The following SGCZ variants were observed in gnomAD, a reference collection of about 807,000 sequenced individuals.
SGCZ encodes the protein zeta-sarcoglycan.
SGCZ carries 40 observed loss-of-function variants against 41.3 expected under a neutral mutation model. That is an observed-to-expected ratio of 0.97 (90% CI 0.75 to 1.26). The LOEUF (loss-of-function observed/expected upper bound fraction) is 1.26, where lower values mean the gene tolerates loss of function less well. Ranked by LOEUF, SGCZ falls within the 50% of genes most tolerant of loss-of-function variation. The pLI, the probability that SGCZ is intolerant of heterozygous loss-of-function variation, is 0.00. For synonymous variants in SGCZ, 206 were observed against 137.5 expected (o/e 1.50, Z -3.49); for missense variants, 552 against 369.8 (o/e 1.49, Z -4.04).
intron 4 of SGCZ, among the ~76,000 whole-genome samples, chr8:14,174,782 T>C (rs917276172): frequency 7.9e-5 from 12 of 152,138 alleles, no homozygotes; most frequent in African/African-American, 1.9e-4. Context: ...TACAAACGTA[T>C]TGTCTCACAA....
intron 1 of SGCZ, among the ~76,000 whole-genome samples, chr8:14,823,933 G>A (rs1802199726): frequency 6.6e-6 from 1 of 151,922 alleles, no homozygotes; most frequent in Non-Finnish European, 1.5e-5. Context: ...GCAACAACAT[G>A]GATGAACACA....
At chr8:14,954,510 A>C (rs1249851869) in intron 1 of SGCZ, among the ~76,000 whole-genome samples, 5 of 152,134 alleles carry the variant, frequency 3.3e-5, no homozygotes, top group African/African-American at 9.7e-5. Context: ...TATGTAATGC[A>C]GCTTCCACGA....
intron 1 of SGCZ, among the ~76,000 whole-genome samples, chr8:15,154,317 C>G (rs1289640958): frequency 2.0e-5 from 3 of 152,200 alleles, no homozygotes; most frequent in African/African-American, 7.2e-5. Context: ...CCTAAAGCAG[C>G]AGACCCTACA....
intron 1 of SGCZ, among the ~76,000 whole-genome samples, chr8:15,067,263 C>A (rs773703313): frequency 9.2e-5 from 14 of 152,198 alleles, no homozygotes; most frequent in Non-Finnish European, 1.6e-4. Context: ...CCACCCTGCA[C>A]ACACTGTACT....
chr8:14,274,732 C>T (rs1563227885), intron 3 of SGCZ, among the ~76,000 whole-genome samples: 1 of 151,612 alleles, frequency 6.6e-6, no homozygotes, highest in Non-Finnish European at 1.5e-5. Flanking sequence ...ATTTTTTTCA[C>T]AAAAAAATTA....
At chr8:15,068,614 T>G (rs1445567302) in intron 1 of SGCZ, among the ~76,000 whole-genome samples, 1 of 152,194 alleles carries the variant, frequency 6.6e-6, no homozygotes, top group East Asian at 1.9e-4. Flanking sequence ...GCTTGCATAC[T>G]CAAACTTTCC....
intron 2 of SGCZ, among the ~76,000 whole-genome samples, chr8:14,399,748 T>C (rs2410190): frequency 0.12 from 18,523 of 152,176 alleles, 1,721 homozygotes; most frequent in African/African-American, 0.26. Context: ...TAACTGTTGA[T>C]GTATTTTACA....
At chr8:14,340,953 C>T (rs1802683509) in intron 2 of SGCZ, among the ~76,000 whole-genome samples, 1 of 152,096 alleles carries the variant, frequency 6.6e-6, no homozygotes, top group Non-Finnish European at 1.5e-5. Context: ...ATCCCCTCTC[C>T]CCCAGCCCCT....
At chr8:14,217,651 T>TTA (rs1806047620) in intron 4 of SGCZ, among the ~76,000 whole-genome samples, 1 of 112,994 alleles carries the variant, frequency 8.9e-6, no homozygotes, top group African/African-American at 3.6e-5. Context: ...TTTTTTTTTT[T>TTA]GAGACAGAGT....
intron 2 of SGCZ, among the ~76,000 whole-genome samples, chr8:14,425,938 G>A (rs914312586): frequency 6.6e-6 from 1 of 152,108 alleles, no homozygotes; most frequent in Admixed American, 6.5e-5. Context: ...GGCAGCTAAA[G>A]AAGTCAAATG....
intron 1 of SGCZ, among the ~76,000 whole-genome samples, chr8:14,659,250 C>A (rs1465927605): frequency 6.6e-6 from 1 of 152,208 alleles, no homozygotes; most frequent in South Asian, 2.1e-4. Context: ...AGTGTCATCA[C>A]CGCCAGAGAT....
intron 5 of SGCZ, among the ~76,000 whole-genome samples, chr8:14,129,949 A>C (rs968956172): frequency 6.6e-6 from 1 of 152,204 alleles, no homozygotes; most frequent in Non-Finnish European, 1.5e-5. Flanking sequence ...ATCCTTATCA[A>C]AATCACAACA....
chr8:14,670,782 T>A (rs2117509408), intron 1 of SGCZ, among the ~76,000 whole-genome samples: 1 of 152,330 alleles, frequency 6.6e-6, no homozygotes, highest in African/African-American at 2.4e-5. Context: ...ATTTTAAAGA[T>A]GATGAAACTG....
At chr8:14,253,939 G>GTTT (rs10683633) in intron 3 of SGCZ, among the ~76,000 whole-genome samples, 29,761 of 151,894 alleles carry the variant, frequency 0.2, 3,090 homozygotes, top group East Asian at 0.28. Context: ...CACTTGTTCT[G>GTTT]CTTTTCATGA....
chr8:14,654,168 C>CA (rs1807487856), intron 1 of SGCZ, among the ~76,000 whole-genome samples: 1 of 151,452 alleles, frequency 6.6e-6, no homozygotes, highest in Admixed American at 6.6e-5. Context: ...AAATCCATAG[C>CA]ATTTATTCTA....
chr8:14,338,407 G>T (rs1279278613), intron 2 of SGCZ, among the ~76,000 whole-genome samples: 2 of 152,134 alleles, frequency 1.3e-5, no homozygotes, highest in Non-Finnish European at 2.9e-5. Flanking sequence ...GACCAAAAAT[G>T]TGAGAATGTA....
At chr8:15,010,694 C>G (rs1415498019) in intron 1 of SGCZ, among the ~76,000 whole-genome samples, 1 of 152,134 alleles carries the variant, frequency 6.6e-6, no homozygotes, top group African/African-American at 2.4e-5. Context: ...AAAGTCAGAA[C>G]TAATGTGATA....
At chr8:14,557,335 G>C (rs117251075) in intron 1 of SGCZ, among the ~76,000 whole-genome samples, 1,559 of 151,354 alleles carry the variant, frequency 0.01, 15 homozygotes, top group South Asian at 0.016. Flanking sequence ...GTAGTCTTTT[G>C]TTGAATGTAT....
chr8:14,471,214 G>C (rs1181091228), intron 2 of SGCZ, among the ~76,000 whole-genome samples: 1 of 152,110 alleles, frequency 6.6e-6, no homozygotes, highest in Non-Finnish European at 1.5e-5. Flanking sequence ...AAATGGTTCA[G>C]AATATAGACA....
Sources: allele counts gnomAD v4.1 joint callset (sites outside exome capture counted in the v4.1 genomes callset), GRCh38; gene constraint gnomAD v4.1.1; transcripts MANE v1.5; gene names NCBI Gene and HGNC (gene_info 2026-07-23, HGNC 2026-07-21).